Variants in GPR155 observed in about 807,000 individuals in gnomAD.
GPR155 encodes lysosomal cholesterol signaling protein.
In GPR155, 65 loss-of-function variants were observed where a neutral mutation model predicts 93.1. The observed-to-expected ratio is 0.70, with a 90% CI of 0.57 to 0.86. GPR155 has a LOEUF of 0.86. Among genes scored for constraint, GPR155 ranks in the 40% least tolerant of loss-of-function variants. GPR155 has a pLI of 0.00. For missense variants in GPR155, 838 were observed against 1,034.8 expected, an observed-to-expected ratio of 0.81 and a Z score of 2.61; for synonymous variants, 319 against 360.1, an observed-to-expected ratio of 0.89 and a Z score of 1.29.
chr2:174,473,169 A>G lies in GPR155; in HGVS notation c.656T>C (p.Ile219Thr). ...GATGCCAATGAAGACCATAAATACT[A>G]TTGGGTTCTGTAATACACGCAGGAG... ...LGLLRVLQNPIVFMVFIGIAF... is the reference protein window; with the variant it reads ...LGLLRVLQNPTVFMVFIGIAF... The change falls in exon 3 of 16, where the codon ATA (isoleucine) becomes ACA (threonine). Residue 219 changes from isoleucine to threonine, a missense_variant. Around this residue, in one of 3 missense-constraint regions of GPR155, gnomAD observed 663 missense variants for 790.1 expected, o/e 0.84. Transcript: ENST00000392552. 6.2e-7 allele frequency: 1 copy of G among 1,613,028 alleles called. No homozygotes were observed. Among genetic ancestry groups the G allele is most frequent in the Non-Finnish European group, 8.5e-7 (1 of 1,179,272 alleles).
chr2:174,485,599 G>GAA (rs568658592), intron 1 of GPR155, among the ~76,000 whole-genome samples: 15 of 61,292 alleles, frequency 2.4e-4, no homozygotes, highest in South Asian at 5.0e-4. Flanking sequence ...TCCGTCTCAA[G>GAA]AAAAAAAAAA....
chr2:174,465,419 G>A (rs900226271), intron 7 of GPR155, among the ~76,000 whole-genome samples: 2 of 152,136 alleles, frequency 1.3e-5, no homozygotes, highest in African/African-American at 2.4e-5. Context: ...TCCCTGTTCA[G>A]CAGGACTCGA....
At chr2:174,476,369 G>A (rs898124767) in intron 2 of GPR155, among the ~76,000 whole-genome samples, 16 of 152,190 alleles carry the variant, frequency 1.1e-4, no homozygotes, top group African/African-American at 3.9e-4. Flanking sequence ...ACTTTGGGAG[G>A]ACAAGGCAGG....
At chr2:174,439,706 C>T (rs568525193) in intron 15 of GPR155, among the ~76,000 whole-genome samples, 192 bp downstream of exon 15, 19 of 152,218 alleles carry the variant, frequency 1.2e-4, no homozygotes, top group South Asian at 4.1e-4. Flanking sequence ...TTAAAATCAA[C>T]GTAAATGGTT....
Sources: allele counts gnomAD v4.1 joint callset (sites outside exome capture counted in the v4.1 genomes callset), GRCh38; gene constraint gnomAD v4.1.1; regional missense constraint gnomAD v4.1.1; transcripts MANE v1.5; gene names NCBI Gene and HGNC (gene_info 2026-07-23, HGNC 2026-07-21).